Variants in ZNF567 observed in about 807,000 individuals in gnomAD.
ZNF567 encodes zinc finger protein 567.
Under a neutral mutation model 53.9 loss-of-function variants are expected in ZNF567, and 36 were observed. That is an observed-to-expected ratio of 0.67 (90% confidence interval 0.51 to 0.88). The LOEUF is 0.88. ZNF567 is among the 40% of genes least tolerant of loss of function. ZNF567 has a pLI of 0.00. For synonymous variants in ZNF567, 224 were observed against 260.4 expected (o/e 0.86, Z 1.35); for missense variants, 619 against 764.7 (o/e 0.81, Z 2.25).
In ZNF567 at chr19:36,697,937, ATTATAC is replaced by A. The variant is rs1221095749; in HGVS notation, c.9+3064_9+3069del. On this transcript the variant is annotated intron_variant, in intron 3 of 5. Transcript: ENST00000682579. ...GAATTTCTTTTTTTTTTTTTTTTTT[ATTATAC>A]TTTAAGTTTTAGGGTACATGTGCAC... is the stretch of plus-strand genomic sequence containing the variant. Among the ~76,000 whole-genome samples, 4 of 74,022 alleles carry A rather than the reference ATTATAC, an allele frequency of 5.4e-5. No individual in the cohort carries two copies. The East Asian group carries it at 1.1e-3, about 20-fold the overall frequency. 48.6% of individuals were successfully genotyped at this position (74,022 alleles called of 152,430 possible).
At chr19:36,691,737 G>T (rs1316428214) in intron 2 of ZNF567, among the ~76,000 whole-genome samples, 1 of 152,114 alleles carries the variant, frequency 6.6e-6, no homozygotes, top group Non-Finnish European at 1.5e-5. Context: ...TTTGAGTCTG[G>T]CTTCATTCAG....
intron 2 of ZNF567, among the ~76,000 whole-genome samples, chr19:36,694,301 A>G (rs768203656): frequency 6.6e-6 from 1 of 152,232 alleles, no homozygotes; most frequent in Non-Finnish European, 1.5e-5. Context: ...ATAAATGATG[A>G]GACCACAGAT....
Position 36,720,852 on chromosome 19 carries a change from ACT to A in ZNF567, c.*187_*188del. ...AAATAAGTATGATCATTATTATTGA[ACT>A]CTATCAGCTATGAAGCTAAATTTTA... On this transcript the variant is annotated 3_prime_UTR_variant, in exon 6 of 6. Coordinates refer to ENST00000682579, the MANE Select transcript of ZNF567 (RefSeq NM_001322917.1). 1 of 476,268 alleles carries A rather than the reference ACT, an allele frequency of 2.1e-6. No homozygotes were observed. The highest frequency in any genetic ancestry group is 3.4e-6 in the Non-Finnish European group (1 of 294,358). 29.5% of individuals were successfully genotyped at this position (476,268 alleles called of 1,614,324 possible). A position where few individuals can be genotyped will look rare whatever the true frequency, so the allele number is the denominator to read the frequency against.
rs749584857 is a variant in ZNF567 at position 36,694,854 on chromosome 19, C to G, written c.-14C>G. 2.0e-6 allele frequency: 3 copies of G among 1,520,272 alleles called. No homozygotes were observed. In the African/African-American group the frequency reaches 4.2e-5, roughly 21 times the overall value. The allele number at this position is 1,520,272 out of a possible 1,614,324, so 94.2% of individuals were successfully genotyped here. On this transcript the variant is annotated 5_prime_UTR_variant, in exon 3 of 6. Transcript: ENST00000682579. Reference sequence around the variant, plus strand: ...CAAAGGAAGGACTGGTCATCTCTTTCATATCTCAAAACCATGGCTCAGGTA... The same window carrying G: ...CAAAGGAAGGACTGGTCATCTCTTTGATATCTCAAAACCATGGCTCAGGTA...
At chr19:36,710,349 G>A (rs2039715672) in intron 3 of ZNF567, among the ~76,000 whole-genome samples, 2 of 98,546 alleles carry the variant, frequency 2.0e-5, no homozygotes, top group South Asian at 6.5e-4. Context: ...TTCTGTGATT[G>A]TCTTTTTGTG....
At chr19:36,710,537 C>T (rs2039728495) in intron 3 of ZNF567, among the ~76,000 whole-genome samples, 4 of 152,152 alleles carry the variant, frequency 2.6e-5, no homozygotes, top group Admixed American at 2.6e-4. Flanking sequence ...TGTAATCAAA[C>T]ATCAAACTTT....
chr19:36,676,712 T>G, the ZNF567 span, among the ~76,000 whole-genome samples: 1 of 152,176 alleles, frequency 6.6e-6, no homozygotes, highest in African/African-American at 2.4e-5. Flanking sequence ...GGATGTGATG[T>G]CAGAGCCTAG....
At chr19:36,721,744 C>CTTT (rs5827963), downstream of ZNF567, among the ~76,000 whole-genome samples, 9 of 101,508 alleles carry the variant, frequency 8.9e-5, no homozygotes, top group African/African-American at 2.0e-4. Context: ...TTTTTTTTTT[C>CTTT]TTTTTTTTTT....
chr19:36,677,328 G>T, the ZNF567 span, among the ~76,000 whole-genome samples: 4 of 150,060 alleles, frequency 2.7e-5, no homozygotes, highest in Admixed American at 2.7e-4. Flanking sequence ...GTGTTGAGGC[G>T]GGCACCTGTA....
At chr19:36,667,230 G>A in the ZNF567 span, among the ~76,000 whole-genome samples, 1 of 152,150 alleles carries the variant, frequency 6.6e-6, no homozygotes, top group Non-Finnish European at 1.5e-5. Flanking sequence ...AGATTTGTAT[G>A]TGAAACGATT....
At chr19:36,723,785 G>A (rs1233849183), downstream of ZNF567, among the ~76,000 whole-genome samples, 1 of 152,124 alleles carries the variant, frequency 6.6e-6, no homozygotes, top group Non-Finnish European at 1.5e-5. Context: ...AGTGAGCCAA[G>A]ATGATGCCAT....
intron 3 of ZNF567, 140 bp from the exon 4 acceptor site, chr19:36,712,246 C>T (rs2039828547): frequency 1.4e-6 from 1 of 735,694 alleles, no homozygotes; most frequent in South Asian, 1.8e-5. Context: ...TGGGGTTTCA[C>T]CATCTTGGCC....
chr19:36,684,142 C>T (rs1471368912), upstream of ZNF567, among the ~76,000 whole-genome samples: 1 of 152,138 alleles, frequency 6.6e-6, no homozygotes. Context: ...TGACACAGTT[C>T]ATAATTTAGT....
chr19:36,720,722 TAAAAAG>T lies in ZNF567; in HGVS notation c.*59_*64del. 7 of 1,444,674 alleles carry T rather than the reference TAAAAAG, an allele frequency of 4.8e-6. No homozygotes were observed. Among genetic ancestry groups the T allele is most frequent in the Non-Finnish European group, 5.5e-6 (6 of 1,087,926 alleles). The allele number at this position is 1,444,674 out of a possible 1,614,324, so 89.5% of individuals were successfully genotyped here. ...ACAAGCTGTTGTAAACATTTAGTTT[TAAAAAG>T]AAAAGCATGCTGAAACATGTTAATG... On this transcript the variant is annotated 3_prime_UTR_variant, in exon 6 of 6. Coordinates refer to ENST00000682579, the MANE Select transcript of ZNF567 (RefSeq NM_001322917.1).
chr19:36,687,960 CGT>C (rs138621038), intron 1 of ZNF567, among the ~76,000 whole-genome samples: 3 of 150,724 alleles, frequency 2.0e-5, no homozygotes, highest in African/African-American at 4.9e-5. Flanking sequence ...ACAGGCGCTC[CGT>C]GTGTGTGTGT....
intron 2 of ZNF567, among the ~76,000 whole-genome samples, chr19:36,693,001 G>A (rs1300769127): frequency 1.3e-5 from 2 of 151,962 alleles, no homozygotes; most frequent in African/African-American, 4.8e-5. Context: ...GCAACCCTGG[G>A]AGTAGGCGGT....
At chr19:36,718,842 T>G in intron 5 of ZNF567, 106 bp from the exon 6 acceptor site, 5 of 885,712 alleles carry the variant, frequency 5.6e-6, no homozygotes, top group South Asian at 2.2e-5. Flanking sequence ...CAGTGGTCAT[T>G]TGTTCTGAGT....
Position 36,719,058 on chromosome 19 carries a change from A to G in ZNF567, c.334A>G (p.Lys112Glu). 3 of 1,613,226 alleles carry G rather than the reference A, an allele frequency of 1.9e-6. No individual in the cohort carries two copies. The highest frequency in any genetic ancestry group is 2.2e-5 in the South Asian group (2 of 90,708). Reference sequence around the variant, plus strand: ...CAAAAAACTGGTGAAGGAGAAGAGTAAAATATATGAAAAGACATTTACTCT... The same window carrying G: ...CAAAAAACTGGTGAAGGAGAAGAGTGAAATATATGAAAAGACATTTACTCT... ...NHKKLVKEKSKIYEKTFTLGK... is the reference protein window; with the variant it reads ...NHKKLVKEKSEIYEKTFTLGK... The change falls in exon 6 of 6, where the codon AAA becomes GAA. Residue 112 changes from lysine to glutamate, a missense_variant. Lys to Glu is a moderately conservative substitution (Grantham distance 56). Coordinates refer to ENST00000682579, the MANE Select transcript of ZNF567 (RefSeq NM_001322917.1).
chr19:36,702,993 G>C (rs1054477441), intron 3 of ZNF567, among the ~76,000 whole-genome samples: 2 of 152,226 alleles, frequency 1.3e-5, no homozygotes, highest in African/African-American at 4.8e-5. Flanking sequence ...TGGAGGAGGA[G>C]AGGTGCTCTG....
Sources: gnomAD v4.1 joint callset for allele counts (sites outside exome capture counted in the v4.1 genomes callset) on GRCh38, gnomAD v4.1.1 for gene constraint, MANE v1.5 for transcripts, NCBI Gene and HGNC (gene_info 2026-07-23, HGNC 2026-07-21) for gene names.